Variants in ITPRID1 observed in about 807,000 individuals in gnomAD.
The protein encoded by ITPRID1 is protein ITPRID1.
ITPRID1 carries 96 observed loss-of-function variants against 95.4 expected under a neutral mutation model. The observed-to-expected ratio is 1.01, with a 90% CI of 0.85 to 1.19. The LOEUF is 1.19. ITPRID1 is among the 50% of genes most tolerant of loss of function. The pLI is 0.00. For synonymous variants in ITPRID1, 510 were observed against 453.6 expected, an observed-to-expected ratio of 1.12 and a Z score of -1.58; for missense variants, 1,339 against 1,252.9, an observed-to-expected ratio of 1.07 and a Z score of -1.04.
At chr7:31,607,212 T>C (rs1346540254) in intron 10 of ITPRID1, among the ~76,000 whole-genome samples, 2 of 152,192 alleles carry the variant, frequency 1.3e-5, no homozygotes, top group Non-Finnish European at 2.9e-5. Flanking sequence ...TAATGCCTGA[T>C]GTACAGTTGT....
intron 10 of ITPRID1, among the ~76,000 whole-genome samples, chr7:31,628,201 C>A (rs1312953085): frequency 1.3e-5 from 2 of 152,192 alleles, no homozygotes; most frequent in African/African-American, 4.8e-5. Flanking sequence ...AATCCATGTT[C>A]TTTCTTCTGC....
chr7:31,573,692 A>G (rs1785075354), intron 7 of ITPRID1, among the ~76,000 whole-genome samples: 1 of 151,938 alleles, frequency 6.6e-6, no homozygotes, highest in South Asian at 2.1e-4. Context: ...AAAGACTCCC[A>G]TAGTCTCCTG....
In ITPRID1 at chr7:31,654,051, T is replaced by A. The variant is rs12530501; in HGVS notation, c.*1222T>A. On this transcript the variant is annotated 3_prime_UTR_variant, in exon 15 of 15. Transcript: ENST00000615280. ...CAGAAAGAGTTGGATGAAGAGTAAG[T>A]CCAAAAAAAAAAAAAAAAAAACCAA... 0.8 allele frequency among the ~76,000 whole-genome samples: 107,029 copies of A among 134,078 alleles called. 40,565 individuals carry two copies. Among genetic ancestry groups the A allele is most frequent in the East Asian group, 0.84 (3,923 of 4,668 alleles). 88.0% of individuals were successfully genotyped at this position (134,078 alleles called of 152,430 possible).
chr7:31,643,695 G>T lies in ITPRID1; in HGVS notation c.2325G>T (p.Gly775=). ...TAAGCAACAAGACCTTGACACATGG[G>T]CCCCAGCCCCTCACCAAATCCGTCT... The part of the protein sequence containing the change: ...SALSNKTLTH[G]PQPLTKSVSL... The change falls in exon 12 of 15, where the codon GGG becomes GGT. Residue 775 remains glycine, a synonymous_variant. Transcript: ENST00000615280. 1 of 1,613,978 alleles carries T rather than the reference G, an allele frequency of 6.2e-7. No homozygotes were observed. The highest frequency in any genetic ancestry group is 2.2e-5 in the East Asian group (1 of 44,882).
rs144601428 is a variant in ITPRID1 at position 31,651,191 on chromosome 7, G to A, written c.2633G>A (p.Arg878Gln). The A allele has an allele frequency of 1.5e-5, 25 of 1,613,538 alleles. No individual in the cohort carries two copies. Among genetic ancestry groups the A allele is most frequent in the Middle Eastern group, 1.7e-4 (1 of 6,060 alleles). The change falls in exon 13 of 15, where the codon CGG becomes CAG. Residue 878 changes from arginine (R) to glutamine (Q), a missense_variant. Coordinates refer to ENST00000615280, the MANE Select transcript of ITPRID1 (RefSeq NM_001257967.3). ...EAMKTICQSF[R>Q]EYLEEIEQHL... is the part of the protein sequence containing the mutation. ...ATGAAGACGATATGCCAAAGTTTCC[G>A]GGAGTATTTAGAAGAAATTGAACAG... is the stretch of plus-strand genomic sequence containing the variant.
At chr7:31,604,303 G>T (rs902858198) in intron 10 of ITPRID1, among the ~76,000 whole-genome samples, 33 of 152,176 alleles carry the variant, frequency 2.2e-4, no homozygotes, top group African/African-American at 7.5e-4. Flanking sequence ...GCTCAGAGAG[G>T]ATAAGTCATT....
intron 10 of ITPRID1, among the ~76,000 whole-genome samples, chr7:31,583,445 G>A (rs1016716431): frequency 6.6e-6 from 1 of 152,088 alleles, no homozygotes; most frequent in Non-Finnish European, 1.5e-5. Context: ...GGCCAACCTG[G>A]CAAAACCTCA....
intron 5 of ITPRID1, among the ~76,000 whole-genome samples, chr7:31,557,347 T>C (rs1001086103): frequency 6.6e-6 from 1 of 152,058 alleles, no homozygotes; most frequent in Non-Finnish European, 1.5e-5. Flanking sequence ...ACAGAAAGCA[T>C]TCTAGTGAGT....
chr7:31,570,965 AAACACACTTTCTC>A lies in ITPRID1; in HGVS notation c.309-1133_309-1121del, dbSNP rs1403682924. ...ACAGCAGAGTTTTTACTATCCAGAA[AAACACACTTTCTC>A]AACCTTACAGAACAGAAGCAATTAA... On this transcript the variant is annotated intron_variant, in intron 6 of 14. Coordinates refer to ENST00000615280, the MANE Select transcript of ITPRID1 (RefSeq NM_001257967.3). Among the ~76,000 whole-genome samples the A allele has an allele frequency of 2.6e-5, 4 of 152,118 alleles. No homozygotes were observed. The South Asian group carries it at 6.2e-4, about 24-fold the overall frequency.
At chr7:31,548,023 A>G (rs1784157020) in intron 1 of ITPRID1, among the ~76,000 whole-genome samples, 1 of 152,012 alleles carries the variant, frequency 6.6e-6, no homozygotes. Flanking sequence ...GATGGGTCAC[A>G]TTAGAGTGTA....
rs1459975521 is a variant in ITPRID1, at chr7:31,643,864, T to C, written c.2494T>C (p.Cys832Arg). The change falls in exon 12 of 15, where the codon TGC (cysteine) becomes CGC (arginine). Residue 832 changes from cysteine (C) to arginine (R), a missense_variant. Transcript: ENST00000615280. ...CCCTGAACCCTCAGTCTGTAGGCAC[T>C]GCCTGTGTTCACTAACTGGTCACCA... ...PGPEPSVCRH[C>R]LCSLTGHQEA... 3 of 1,613,960 alleles carry C rather than the reference T, an allele frequency of 1.9e-6. No individual in the cohort carries two copies. The highest frequency in any genetic ancestry group is 2.5e-6 in the Non-Finnish European group (3 of 1,179,904).
chr7:31,612,583 G>A (rs992067795), intron 10 of ITPRID1, among the ~76,000 whole-genome samples: 1 of 152,104 alleles, frequency 6.6e-6, no homozygotes, highest in African/African-American at 2.4e-5. Context: ...GTACAACACT[G>A]AAGTTCCTAC....
At chr7:31,607,980 A>G (rs1252619245) in intron 10 of ITPRID1, among the ~76,000 whole-genome samples, 1 of 151,840 alleles carries the variant, frequency 6.6e-6, no homozygotes, top group Non-Finnish European at 1.5e-5. Flanking sequence ...TGCAATGCTT[A>G]TGCTTCCTCT....
chr7:31,540,523 T>A (rs1298540068), intron 1 of ITPRID1, among the ~76,000 whole-genome samples: 1 of 152,204 alleles, frequency 6.6e-6, no homozygotes, highest in Non-Finnish European at 1.5e-5. Context: ...GAAACACAAT[T>A]TTCTCTCTCC....
At chr7:31,637,369 C>G (rs1789587890) in intron 10 of ITPRID1, among the ~76,000 whole-genome samples, 1 of 152,046 alleles carries the variant, frequency 6.6e-6, no homozygotes, top group Non-Finnish European at 1.5e-5. Flanking sequence ...TAAAAGTGTT[C>G]CTATTTCTCC....
chr7:31,651,823 G>T, intron 13 of ITPRID1, 116 bp from the exon 14 acceptor site: 14 of 605,092 alleles, frequency 2.3e-5, no homozygotes, highest in East Asian at 3.2e-5. Context: ...CACAAATAAA[G>T]ATGACATTCT....
At chr7:31,600,697 G>A (rs956581395) in intron 10 of ITPRID1, among the ~76,000 whole-genome samples, 1 of 152,190 alleles carries the variant, frequency 6.6e-6, no homozygotes, top group Non-Finnish European at 1.5e-5. Context: ...CAGGTGGTCT[G>A]TTTAGGGAGT....
intron 10 of ITPRID1, among the ~76,000 whole-genome samples, chr7:31,585,468 G>GA (rs928152899): frequency 7.2e-5 from 11 of 151,924 alleles, no homozygotes; most frequent in Non-Finnish European, 1.0e-4. Context: ...GGAATATAAG[G>GA]AAAAAAAGGA....
chr7:31,626,762 T>C (rs1393931749), intron 10 of ITPRID1, among the ~76,000 whole-genome samples: 3 of 152,166 alleles, frequency 2.0e-5, no homozygotes, highest in African/African-American at 7.2e-5. Flanking sequence ...CTACACATGC[T>C]CAGAGTTCAT....
Sources: allele counts gnomAD v4.1 joint callset (sites outside exome capture counted in the v4.1 genomes callset), GRCh38; gene constraint gnomAD v4.1.1; transcripts MANE v1.5; gene names NCBI Gene and HGNC (gene_info 2026-07-23, HGNC 2026-07-21).